RRAS2: variants seen among roughly 807,000 people sequenced by gnomAD.
RRAS2 encodes the protein ras-related protein R-Ras2.
RRAS2 carries 7 observed loss-of-function variants against 27.6 expected under a neutral mutation model. The ratio of observed to expected loss-of-function variants is 0.25; its 90% CI spans 0.14 to 0.48. RRAS2 has a LOEUF of 0.48. Ranked by LOEUF, RRAS2 falls within the 20% of genes least tolerant of loss-of-function variation. The probability of loss-of-function intolerance (pLI) is 0.99; values close to 1 mark genes in which losing one functional copy is unlikely to be tolerated. For missense variants in RRAS2, 178 were observed against 256.2 expected, an observed-to-expected ratio of 0.69 and a Z score of 2.08; for synonymous variants, 86 against 90.9, an observed-to-expected ratio of 0.95 and a Z score of 0.31.
intron 4 of RRAS2, among the ~76,000 whole-genome samples, chr11:14,282,151 C>T (rs988029150): frequency 6.6e-6 from 1 of 152,084 alleles, no homozygotes; most frequent in Non-Finnish European, 1.5e-5. Flanking sequence ...CCAGAGAAAA[C>T]TGAATGTGTG....
chr11:14,291,363 C>T lies in RRAS2; in HGVS notation c.408+3108G>A, dbSNP rs578206813. Among the ~76,000 whole-genome samples, 4 of 152,230 alleles carry T rather than the reference C, an allele frequency of 2.6e-5. No homozygotes were observed. In the South Asian group the frequency reaches 8.3e-4, roughly 32 times the overall value. On this transcript the variant is annotated intron_variant, in intron 4 of 5. Transcript: ENST00000256196. ...TGAGAGTAGTCAACATGCCTGAGTA[C>T]AGGTGCAAAGGAAGAAAAAGCATAA...
At chr11:14,313,202 T>C (rs367746794) in intron 1 of RRAS2, among the ~76,000 whole-genome samples, 1 of 152,212 alleles carries the variant, frequency 6.6e-6, no homozygotes, top group South Asian at 2.1e-4. Flanking sequence ...AAACAGCACA[T>C]GTTCACAGAA....
At chr11:14,340,745 GGA>G (rs1182159849) in intron 1 of RRAS2, among the ~76,000 whole-genome samples, 1 of 152,062 alleles carries the variant, frequency 6.6e-6, no homozygotes, top group African/African-American at 2.4e-5. Context: ...TTCCCAAAAA[GGA>G]TATAATCCAA....
At chr11:14,360,142 C>T (rs1554956054), upstream of RRAS2, among the ~76,000 whole-genome samples, 1 of 150,826 alleles carries the variant, frequency 6.6e-6, no homozygotes, top group East Asian at 1.9e-4. Context: ...AAAGAGGCTA[C>T]ATGTAGGCAT....
intron 3 of RRAS2, 59 bp from the exon 4 acceptor site, chr11:14,294,638 A>T: frequency 3.4e-6 from 5 of 1,475,480 alleles, no homozygotes; most frequent in Non-Finnish European, 4.7e-6. Flanking sequence ...AGAATTCAGC[A>T]AGTCTCATGC....
intron 1 of RRAS2, among the ~76,000 whole-genome samples, chr11:14,349,031 T>C (rs947301210): frequency 6.6e-6 from 1 of 151,748 alleles, no homozygotes; most frequent in Non-Finnish European, 1.5e-5. Context: ...AGTGGCGCGA[T>C]CTCGGCTCAC....
chr11:14,335,436 C>A (rs184762575), intron 1 of RRAS2, among the ~76,000 whole-genome samples: 64 of 152,230 alleles, frequency 4.2e-4, no homozygotes, highest in Admixed American at 9.2e-4. Context: ...GAACTGAACT[C>A]ATCATAAATT....
intron 1 of RRAS2, among the ~76,000 whole-genome samples, chr11:14,339,884 T>C (rs781820495): frequency 1.3e-5 from 2 of 151,612 alleles, no homozygotes; most frequent in Non-Finnish European, 2.9e-5. Context: ...GAGGCTGAGG[T>C]GGGCAGATGG....
At chr11:14,294,649 C>A in intron 3 of RRAS2, 70 bp from the exon 4 acceptor site, 1 of 1,445,288 alleles carries the variant, frequency 6.9e-7, no homozygotes. Context: ...AGTCTCATGC[C>A]CCAATTAGTA....
At chr11:14,280,237 A>G (rs1376637033) in intron 5 of RRAS2, among the ~76,000 whole-genome samples, 1 of 152,090 alleles carries the variant, frequency 6.6e-6, no homozygotes, top group Non-Finnish European at 1.5e-5. Flanking sequence ...ATCGCCATCC[A>G]TCTCCAGATC....
Position 14,359,179 on chromosome 11 carries a change from C to T in RRAS2, c.-309G>A. On this transcript the variant is annotated 5_prime_UTR_variant, in exon 1 of 6. Coordinates refer to ENST00000256196, the MANE Select transcript of RRAS2 (RefSeq NM_012250.6). The stretch of plus-strand genomic sequence containing the variant: ...AGCCTCCAGCGCCGCCACAAATGGC[C>T]GTCTGGGGGCCGGGCTGCCAGGCTG... 3 of 984,008 alleles carry T rather than the reference C, an allele frequency of 3.0e-6. No homozygotes were observed. Among genetic ancestry groups the T allele is most frequent in the South Asian group, 4.9e-5 (1 of 20,530 alleles). 61.0% of individuals were successfully genotyped at this position (984,008 alleles called of 1,614,324 possible). A position where few individuals can be genotyped will look rare whatever the true frequency, so the allele number is the denominator to read the frequency against.
In RRAS2 at chr11:14,316,086, T is replaced by C. The variant is rs890361669; in HGVS notation, c.109-20231A>G. ...GCAGAAAGCCCAGATCAGAAACCCA[T>C]AACAGGAAGTTTGGTCCTTCTTCCA... On this transcript the variant is annotated intron_variant, in intron 1 of 5. Coordinates refer to ENST00000256196, the MANE Select transcript of RRAS2 (RefSeq NM_012250.6). Among the ~76,000 whole-genome samples the C allele has an allele frequency of 3.3e-5, 5 of 152,180 alleles. No homozygotes were observed. In the South Asian group the frequency reaches 6.2e-4, roughly 19 times the overall value.
chr11:14,287,140 C>T (rs782060760), intron 4 of RRAS2, among the ~76,000 whole-genome samples: 18 of 152,162 alleles, frequency 1.2e-4, no homozygotes, highest in Admixed American at 3.3e-4. Flanking sequence ...TCCCATCACA[C>T]CATCTGGTTA....
intron 1 of RRAS2, among the ~76,000 whole-genome samples, chr11:14,317,153 T>C (rs373849028): frequency 6.6e-6 from 1 of 152,222 alleles, no homozygotes; most frequent in Non-Finnish European, 1.5e-5. Flanking sequence ...CTTATAGGTG[T>C]TGGGTGGAGT....
intron 1 of RRAS2, among the ~76,000 whole-genome samples, chr11:14,303,646 G>A (rs1442553627): frequency 6.6e-6 from 1 of 152,154 alleles, no homozygotes; most frequent in East Asian, 1.9e-4. Flanking sequence ...TGTCTTAACT[G>A]CAGTAATCAA....
chr11:14,284,687 G>A (rs1164268498), intron 4 of RRAS2, among the ~76,000 whole-genome samples: 2 of 152,144 alleles, frequency 1.3e-5, no homozygotes, highest in African/African-American at 4.8e-5. Flanking sequence ...GATCACGAAT[G>A]TTTGGGACTG....
At chr11:14,300,941 C>T (rs1847684449) in intron 1 of RRAS2, among the ~76,000 whole-genome samples, 3 of 152,142 alleles carry the variant, frequency 2.0e-5, no homozygotes, top group Admixed American at 2.0e-4. Context: ...TGGTAATTTA[C>T]TGGAAATTCT....
chr11:14,305,556 A>G (rs1847811201), intron 1 of RRAS2, among the ~76,000 whole-genome samples: 1 of 152,150 alleles, frequency 6.6e-6, no homozygotes, highest in Non-Finnish European at 1.5e-5. Flanking sequence ...CCCCACTCCA[A>G]TAGCTTTCCC....
intron 1 of RRAS2, among the ~76,000 whole-genome samples, chr11:14,353,052 G>A (rs1436722892): frequency 6.6e-6 from 1 of 152,044 alleles, no homozygotes; most frequent in African/African-American, 2.4e-5. Context: ...GCCCGCCTCA[G>A]CCTCTCAAAG....
Sources: gnomAD v4.1 joint callset for allele counts (sites outside exome capture counted in the v4.1 genomes callset) on GRCh38, gnomAD v4.1.1 for gene constraint, MANE v1.5 for transcripts, NCBI Gene and HGNC (gene_info 2026-07-23, HGNC 2026-07-21) for gene names.